PLA2G4D: variants seen among roughly 807,000 people sequenced by gnomAD.
PLA2G4D encodes the protein cytosolic phospholipase A2 delta.
In PLA2G4D, 80 loss-of-function variants were observed where a neutral mutation model predicts 94.4. The observed-to-expected ratio is 0.85, with a 90% confidence interval of 0.71 to 1.02. The LOEUF is 1.02. PLA2G4D is among the 50% of genes least tolerant of loss of function. The pLI is 0.00. For synonymous variants in PLA2G4D, 438 were observed against 440.9 expected (o/e 0.99, Z 0.08); for missense variants, 1,050 against 1,034.7 (o/e 1.01, Z -0.20).
chr15:42,087,524 G>C (rs1890173636), intron 2 of PLA2G4D, 88 bp from the exon 3 acceptor site: 1 of 1,604,586 alleles, frequency 6.2e-7, no homozygotes, highest in Admixed American at 1.7e-5. Context: ...GACCCTGGCG[G>C]TCACCGCAGG....
chr15:42,070,644 C>A, intron 18 of PLA2G4D, 73 bp downstream of exon 18: 3 of 1,474,338 alleles, frequency 2.0e-6, no homozygotes. Flanking sequence ...GGCAGGGGCT[C>A]AGTGGCCCTG....
chr15:42,080,823 G>A (rs539808122), intron 12 of PLA2G4D, among the ~76,000 whole-genome samples, 174 bp downstream of exon 12: 34 of 152,292 alleles, frequency 2.2e-4, no homozygotes, highest in Non-Finnish European at 1.8e-4. Context: ...CCTCGCTCAC[G>A]GCAGGGCTTC....
chr15:42,082,231 C>A, intron 9 of PLA2G4D, 48 bp downstream of exon 9: 1 of 1,504,796 alleles, frequency 6.6e-7, no homozygotes, highest in East Asian at 2.3e-5. Context: ...AGAGCCCAGC[C>A]TTATCTTCAT....
chr15:42,075,735 A>C (rs1257285691), intron 13 of PLA2G4D, among the ~76,000 whole-genome samples: 1 of 152,070 alleles, frequency 6.6e-6, no homozygotes, highest in Non-Finnish European at 1.5e-5. Flanking sequence ...AAAAATACAA[A>C]AATTCGCCGT....
chr15:42,071,740 G>C lies in PLA2G4D; in HGVS notation c.1573+34C>G, dbSNP rs376873034. The C allele has an allele frequency of 2.5e-6, 4 of 1,612,554 alleles. No individual in the cohort carries two copies. In the East Asian group the frequency reaches 8.9e-5, roughly 36 times the overall value. On this transcript the variant is annotated intron_variant, in intron 15 of 19. Coordinates refer to ENST00000290472, the MANE Select transcript of PLA2G4D (RefSeq NM_178034.4). The stretch of plus-strand genomic sequence containing the variant: ...ATGTCCATTCAGACACCTGGCCCAG[G>C]GCTGCCCAGGGCCTTCAGAGCCACC...
intron 15 of PLA2G4D, 104 bp from the exon 16 acceptor site, chr15:42,071,655 T>TCCCCCCCCCCCCCCCC: frequency 8.5e-7 from 1 of 1,178,988 alleles, no homozygotes; most frequent in Non-Finnish European, 1.2e-6. Context: ...CTACAATGCA[T>TCCCCCCCCCCCCCCCC]CCCCCCCGCC....
In PLA2G4D at chr15:42,094,420, A is replaced by G. The variant is rs891066443; in HGVS notation, c.40T>C (p.Tyr14His). The stretch of plus-strand genomic sequence containing the variant: ...TGCTCTGCAGACACTGTTACCTGGT[A>G]AGGGTGGCCAGGTGGTCCCCCAGGT... ...LSPGGPPGHP[Y>H]QGEASTCWQL... Residue 14 changes from tyrosine (Y) to histidine (H), a missense_variant, in exon 1 of 20, where the codon TAC becomes CAC. Physicochemically the swap from Tyr to His is moderately conservative, Grantham distance 83. Coordinates refer to ENST00000290472, the MANE Select transcript of PLA2G4D (RefSeq NM_178034.4). The G allele has an allele frequency of 6.2e-7, 1 of 1,613,920 alleles. No individual in the cohort carries two copies. The highest frequency in any genetic ancestry group is 8.5e-7 in the Non-Finnish European group (1 of 1,179,958).
In PLA2G4D at chr15:42,084,222, T is replaced by A. The variant is rs570197458; in HGVS notation, c.472-443A>T. On this transcript the variant is annotated intron_variant, in intron 6 of 19. Transcript: ENST00000290472. This position sits in a 1 kb window ranked among gnomAD's most constrained non-coding sequence, Gnocchi z 4.8. Reference sequence around the variant, plus strand: ...TCCTGGCTGTCCTCTGTGGCCTAACTGGGGGACAATGACAAGGCCAGGCCC... The same window carrying A: ...TCCTGGCTGTCCTCTGTGGCCTAACAGGGGGACAATGACAAGGCCAGGCCC... 6.6e-6 allele frequency among the ~76,000 whole-genome samples: 1 copy of A among 152,108 alleles called. No homozygotes were observed. Among genetic ancestry groups the A allele is most frequent in the Non-Finnish European group, 1.5e-5 (1 of 67,968 alleles).
At chr15:42,082,539 AAG>A (rs763506680) in intron 8 of PLA2G4D, 150 bp from the exon 9 acceptor site, 24 of 488,782 alleles carry the variant, frequency 4.9e-5, no homozygotes, top group East Asian at 2.0e-4. Context: ...ATAAAATTAT[AAG>A]AGCTAATATT....
In PLA2G4D at chr15:42,083,192, A is replaced by G; in HGVS notation, c.672+6T>C. 1 of 1,612,424 alleles carries G rather than the reference A, an allele frequency of 6.2e-7. No individual in the cohort carries two copies. Among genetic ancestry groups the G allele is most frequent in the South Asian group, 1.1e-5 (1 of 90,814 alleles). ...ATTGCAAACGAGGTCTAGAGCCAAG[A>G]CCCACCCTCAGGCGCCCGCTCAGCT... is the stretch of plus-strand genomic sequence containing the variant. On this transcript the variant is annotated splice_donor_region_variant and intron_variant, in intron 8 of 19. Coordinates refer to ENST00000290472, the MANE Select transcript of PLA2G4D (RefSeq NM_178034.4).
intron 1 of PLA2G4D, among the ~76,000 whole-genome samples, chr15:42,089,646 C>T (rs1284700088): frequency 1.3e-5 from 2 of 152,252 alleles, no homozygotes; most frequent in East Asian, 3.9e-4. Flanking sequence ...CCACCACTGC[C>T]GGCCACAGGG....
intron 13 of PLA2G4D, among the ~76,000 whole-genome samples, chr15:42,073,631 A>T (rs902370583): frequency 6.6e-5 from 10 of 152,176 alleles, no homozygotes; most frequent in African/African-American, 2.4e-4. Context: ...AGCAGCCCTT[A>T]TCATCAGAGT....
chr15:42,074,864 A>G lies in PLA2G4D; in HGVS notation c.1318-2472T>C, dbSNP rs1889887767. 2.6e-5 allele frequency among the ~76,000 whole-genome samples: 4 copies of G among 152,348 alleles called. No individual in the cohort carries two copies. In the South Asian group the frequency reaches 8.3e-4, roughly 32 times the overall value. On this transcript the variant is annotated intron_variant, in intron 13 of 19. Transcript: ENST00000290472. The stretch of plus-strand genomic sequence containing the variant: ...TTGGCTTTAAGAGGTAAGGTATGAT[A>G]ATCAGAAGAAAAAAATAATAAATTA...
Position 42,079,742 on chromosome 15 carries a change from T to C in PLA2G4D, c.1112A>G (p.Tyr371Cys), listed in dbSNP as rs1262224631. The change falls in exon 13 of 20, where the codon TAC (tyrosine) becomes TGC (cysteine). Residue 371 changes from tyrosine to cysteine, a missense_variant. Tyr to Cys is a radical substitution (Grantham distance 194). Transcript: ENST00000290472. ...SGSTWTMAHL[Y>C]GDPEWSQRDL... ...CCTCTGCGACCACTCAGGGTCCCCG[T>C]ACAGGTGGGCCATTGTCCTGGAAGA... is the stretch of plus-strand genomic sequence containing the variant. 1 of 1,601,662 alleles carries C rather than the reference T, an allele frequency of 6.2e-7. No homozygotes were observed. Among genetic ancestry groups the C allele is most frequent in the African/African-American group, 1.4e-5 (1 of 73,732 alleles).
At chr15:42,069,693 C>A (rs1420641251) in intron 19 of PLA2G4D, among the ~76,000 whole-genome samples, 7 of 152,108 alleles carry the variant, frequency 4.6e-5, no homozygotes, top group Non-Finnish European at 7.4e-5. Context: ...AAAGGGGACC[C>A]CTGCATAGCG....
intron 1 of PLA2G4D, among the ~76,000 whole-genome samples, chr15:42,091,241 C>A (rs953694335): frequency 4.6e-5 from 7 of 152,214 alleles, no homozygotes; most frequent in African/African-American, 1.7e-4. Flanking sequence ...AATAGTTATA[C>A]CAGATATAGA....
At chr15:42,087,775 G>C in intron 1 of PLA2G4D, 75 bp from the exon 2 acceptor site, 1 of 1,468,092 alleles carries the variant, frequency 6.8e-7, no homozygotes, top group Middle Eastern at 1.7e-4. Context: ...CCGGGCTGCC[G>C]ACACCCCTCA....
rs1889775600 is a variant in PLA2G4D, at chr15:42,070,157, C to G, written c.2044-62G>C. The G allele has an allele frequency of 2.2e-6, 3 of 1,347,878 alleles. No individual in the cohort carries two copies. The African/African-American group carries it at 4.6e-5, about 21-fold the overall frequency. 83.5% of individuals were successfully genotyped at this position (1,347,878 alleles called of 1,614,324 possible). A position where few individuals can be genotyped will look rare whatever the true frequency, so the allele number is the denominator to read the frequency against. ...GGCCCAGGTCAATGCTGGGCCAGTT[C>G]CAGCCCACACCAGCTGCTTCAGTGT... On this transcript the variant is annotated intron_variant, in intron 18 of 19. Transcript: ENST00000290472.
intron 19 of PLA2G4D, 24 bp from the exon 20 acceptor site, chr15:42,068,965 C>A: frequency 6.3e-7 from 1 of 1,593,486 alleles, no homozygotes; most frequent in South Asian, 1.1e-5. Flanking sequence ...GGAGGGGTGT[C>A]AGGAGCAGGA....
Sources: gnomAD v4.1 joint callset for allele counts (sites outside exome capture counted in the v4.1 genomes callset) on GRCh38, gnomAD v4.1.1 for gene constraint, Gnocchi (gnomAD v3.1) non-coding constraint, MANE v1.5 for transcripts, NCBI Gene and HGNC (gene_info 2026-07-23, HGNC 2026-07-21) for gene names.